Variants in SLC25A13 observed in about 807,000 individuals in gnomAD.
SLC25A13 encodes the protein electrogenic aspartate/glutamate antiporter SLC25A13, mitochondrial.
In SLC25A13, 70 loss-of-function variants were observed where a neutral mutation model predicts 85.5. The ratio of observed to expected loss-of-function variants is 0.82; its 90% CI spans 0.68 to 1.00. SLC25A13 has a LOEUF of 1.00. Ranked by LOEUF, SLC25A13 falls within the 50% of genes least tolerant of loss-of-function variation. The probability of loss-of-function intolerance (pLI) is 0.00; values close to 1 mark genes in which losing one functional copy is unlikely to be tolerated. For missense variants in SLC25A13, 765 were observed against 819.8 expected (o/e 0.93, Z 0.82); for synonymous variants, 259 against 288.7 (o/e 0.90, Z 1.04).
At chr7:96,279,611 C>A (rs1195735134) in intron 2 of SLC25A13, among the ~76,000 whole-genome samples, 1 of 152,164 alleles carries the variant, frequency 6.6e-6, no homozygotes, top group Non-Finnish European at 1.5e-5. Context: ...CAATGATCTC[C>A]ACCTGGCTCC....
chr7:96,317,089 G>A (rs1181954817), intron 1 of SLC25A13, among the ~76,000 whole-genome samples: 2 of 152,056 alleles, frequency 1.3e-5, no homozygotes, highest in African/African-American at 4.8e-5. Context: ...CCCTACCTCA[G>A]CCTCCCGAGC....
chr7:96,281,800 T>G (rs1798688913), intron 2 of SLC25A13, among the ~76,000 whole-genome samples: 1 of 152,200 alleles, frequency 6.6e-6, no homozygotes, highest in South Asian at 2.1e-4. Flanking sequence ...AGCATGTTAA[T>G]CTGGGCACAG....
intron 4 of SLC25A13, among the ~76,000 whole-genome samples, chr7:96,234,564 C>T (rs1248926378): frequency 1.3e-5 from 2 of 152,176 alleles, no homozygotes; most frequent in African/African-American, 4.8e-5. Flanking sequence ...CATGCCACAT[C>T]TCCCTCACCT....
At position 96,189,365 on chromosome 7, in the gene SLC25A13, C is replaced by T. The variant is rs148206472; in HGVS notation, c.862G>A (p.Ala288Thr). ...LYEPRGRMTL[A>T]DIERIAPLEE... ...AGAGGAGCAATCCGTTCAATGTCTG[C>T]TAAGGTCATACGTCTGTAGGGGAAA... The change falls in exon 9 of 18, where the codon GCA (alanine) becomes ACA (threonine). Residue 288 changes from alanine to threonine, a missense_variant. Ala to Thr is a moderately conservative substitution (Grantham distance 58). Transcript: ENST00000265631. The T allele has an allele frequency of 6.2e-7, 1 of 1,614,132 alleles. No individual in the cohort carries two copies. The highest frequency in any genetic ancestry group is 8.5e-7 in the Non-Finnish European group (1 of 1,180,002).
chr7:96,161,137 A>G (rs567963997), intron 13 of SLC25A13, among the ~76,000 whole-genome samples: 3 of 152,256 alleles, frequency 2.0e-5, no homozygotes, highest in African/African-American at 7.2e-5. Flanking sequence ...AAATGCTCCA[A>G]GTTGTTTATC....
At chr7:96,184,819 T>C in intron 10 of SLC25A13, 108 bp downstream of exon 10, 2 of 975,622 alleles carry the variant, frequency 2.0e-6, no homozygotes, top group Non-Finnish European at 3.3e-6. Context: ...TAACTGGCAT[T>C]GGGAAAGACT....
intron 3 of SLC25A13, among the ~76,000 whole-genome samples, chr7:96,247,666 A>C (rs1357815920): frequency 6.6e-6 from 1 of 152,186 alleles, no homozygotes; most frequent in Admixed American, 6.5e-5. Flanking sequence ...AATAAATACA[A>C]AGTATGGGAT....
At chr7:96,233,761 C>A (rs190401556) in intron 4 of SLC25A13, among the ~76,000 whole-genome samples, 1 of 152,294 alleles carries the variant, frequency 6.6e-6, no homozygotes, top group Non-Finnish European at 1.5e-5. Flanking sequence ...CACTGTTACA[C>A]CATCTGTATT....
intron 4 of SLC25A13, among the ~76,000 whole-genome samples, chr7:96,222,793 A>C (rs1478050378): frequency 2.0e-5 from 3 of 152,214 alleles, no homozygotes; most frequent in Non-Finnish European, 4.4e-5. Flanking sequence ...TACTTCAGTT[A>C]CAGAAAAATG....
intron 4 of SLC25A13, among the ~76,000 whole-genome samples, chr7:96,221,947 T>C (rs1180094360): frequency 6.6e-6 from 1 of 152,202 alleles, no homozygotes; most frequent in East Asian, 1.9e-4. Flanking sequence ...ATTAACTAGC[T>C]TAGAAATCGC....
chr7:96,293,043 C>T (rs553168802), intron 2 of SLC25A13, among the ~76,000 whole-genome samples: 61 of 152,342 alleles, frequency 4.0e-4, no homozygotes, highest in Admixed American at 2.4e-3. Context: ...TACAAAGCTA[C>T]AGTAACCAAA....
chr7:96,214,547 T>G (rs1022536951), intron 4 of SLC25A13, among the ~76,000 whole-genome samples: 2 of 151,896 alleles, frequency 1.3e-5, no homozygotes, highest in Admixed American at 1.3e-4. Flanking sequence ...GCCAACAGGG[T>G]GAAACCCCAT....
intron 5 of SLC25A13, among the ~76,000 whole-genome samples, chr7:96,194,954 A>G (rs1022115741): frequency 8.5e-5 from 13 of 152,122 alleles, no homozygotes; most frequent in African/African-American, 3.1e-4. Flanking sequence ...GTCTTTCTGG[A>G]GCCTCCACCA....
intron 15 of SLC25A13, among the ~76,000 whole-genome samples, chr7:96,130,760 C>G (rs1173087284): frequency 1.3e-5 from 2 of 152,148 alleles, no homozygotes; most frequent in Admixed American, 1.3e-4. Flanking sequence ...GCTAATACAA[C>G]TGAGGTTTCT....
intron 13 of SLC25A13, among the ~76,000 whole-genome samples, chr7:96,155,359 T>C (rs1793219892): frequency 6.6e-6 from 1 of 152,202 alleles, no homozygotes; most frequent in Admixed American, 6.5e-5. Context: ...GAGGGAAAGA[T>C]ATCCCAGTAG....
chr7:96,164,070 T>C (rs577737797), intron 13 of SLC25A13, among the ~76,000 whole-genome samples: 2 of 152,326 alleles, frequency 1.3e-5, no homozygotes, highest in African/African-American at 4.8e-5. Flanking sequence ...CAATGCCACA[T>C]CTCCCATTCA....
At chr7:96,270,406 A>C (rs1798193930) in intron 3 of SLC25A13, among the ~76,000 whole-genome samples, 1 of 152,062 alleles carries the variant, frequency 6.6e-6, no homozygotes, top group Admixed American at 6.6e-5. Context: ...AAATACAAAA[A>C]TTAGTAGGGC....
chr7:96,234,774 C>A, intron 4 of SLC25A13, 28 bp downstream of exon 4: 2 of 1,534,516 alleles, frequency 1.3e-6, no homozygotes, highest in Non-Finnish European at 1.8e-6. Context: ...CACACTTACA[C>A]AGACGTGCAC....
chr7:96,255,782 G>T (rs1394513101), intron 3 of SLC25A13, among the ~76,000 whole-genome samples: 1 of 151,986 alleles, frequency 6.6e-6, no homozygotes, highest in Non-Finnish European at 1.5e-5. Flanking sequence ...CCAGATTGTG[G>T]TCTATAAATA....
Sources: gnomAD v4.1 joint callset for allele counts (sites outside exome capture counted in the v4.1 genomes callset) on GRCh38, gnomAD v4.1.1 for gene constraint, MANE v1.5 for transcripts, NCBI Gene and HGNC (gene_info 2026-07-23, HGNC 2026-07-21) for gene names.